The following RAPGEF6 variants were observed in gnomAD, a reference collection of about 807,000 sequenced individuals.
RAPGEF6 encodes the protein PDZ domain containing guanine nucleotide exchange factor (GEF) 2.
In RAPGEF6, 56 loss-of-function variants were observed where a neutral mutation model predicts 171.4. The observed-to-expected ratio is 0.33, with a 90% CI of 0.26 to 0.41. RAPGEF6 has a LOEUF of 0.41. RAPGEF6 is among the 10% of genes least tolerant of loss of function. RAPGEF6 has a pLI of 1.00. For missense variants in RAPGEF6, 1,674 were observed against 1,921.4 expected (o/e 0.87, Z 2.41); for synonymous variants, 692 against 650.1 (o/e 1.06, Z -0.98).
intron 7 of RAPGEF6, among the ~76,000 whole-genome samples, chr5:131,514,247 T>C (rs1221328716): frequency 6.6e-6 from 1 of 152,160 alleles, no homozygotes; most frequent in Non-Finnish European, 1.5e-5. Context: ...TTTTTTAAAC[T>C]TAAAATGAAT....
chr5:131,461,940 G>A lies in RAPGEF6; in HGVS notation c.2629C>T (p.Arg877Cys), dbSNP rs761250497. 85 of 1,613,914 alleles carry A rather than the reference G, an allele frequency of 5.3e-5. 1 individual carries two copies. In the South Asian group the frequency reaches 5.4e-4, roughly 10 times the overall value. ...ATGTACTCAGTCGGTTCAATATTACGAAACAAATCAAAGTCCCTCATTGAC... is the reference window on the plus strand; with the variant it reads ...ATGTACTCAGTCGGTTCAATATTACAAAACAAATCAAAGTCCCTCATTGAC... ...QLSMRDFDLFRNIEPTEYIDD... is the reference protein window; with the variant it reads ...QLSMRDFDLFCNIEPTEYIDD... Residue 877 changes from arginine (R) to cysteine (C), a missense_variant, in exon 19 of 28, where the codon CGT (arginine) becomes TGT (cysteine). Physicochemically the swap from Arg to Cys is radical, Grantham distance 180. This residue lies in a region of RAPGEF6 where 1,116 missense variants were observed against 1,321.5 expected (regional missense o/e 0.84). Transcript: ENST00000509018.
At chr5:131,550,333 T>TA (rs929459686) in intron 5 of RAPGEF6, among the ~76,000 whole-genome samples, 99 of 152,326 alleles carry the variant, frequency 6.5e-4, no homozygotes, top group African/African-American at 2.3e-3. Flanking sequence ...TTTAAACTCT[T>TA]ACATTTGATA....
At chr5:131,615,570 C>T (rs1468093515) in intron 1 of RAPGEF6, among the ~76,000 whole-genome samples, 5 of 152,158 alleles carry the variant, frequency 3.3e-5, no homozygotes, top group Admixed American at 6.5e-5. Context: ...TAATCATTTA[C>T]GCTGAATGCA....
At chr5:131,513,060 G>C (rs1757844809) in intron 7 of RAPGEF6, among the ~76,000 whole-genome samples, 1 of 152,172 alleles carries the variant, frequency 6.6e-6, no homozygotes, top group Non-Finnish European at 1.5e-5. Context: ...TGACTGACTA[G>C]TACGCTCTGA....
chr5:131,504,094 T>G (rs1214631533), intron 11 of RAPGEF6, among the ~76,000 whole-genome samples: 1 of 152,178 alleles, frequency 6.6e-6, no homozygotes. Flanking sequence ...CTCTGACCAG[T>G]ATATTCTAAA....
chr5:131,525,209 C>A (rs922737094), intron 6 of RAPGEF6, among the ~76,000 whole-genome samples: 1 of 151,834 alleles, frequency 6.6e-6, no homozygotes, highest in African/African-American at 2.4e-5. Context: ...AATAATGGAA[C>A]CAAAAACTCC....
At chr5:131,428,612 C>G (rs1751512010) in intron 27 of RAPGEF6, among the ~76,000 whole-genome samples, 1 of 152,030 alleles carries the variant, frequency 6.6e-6, no homozygotes, top group Admixed American at 6.5e-5. Context: ...AGGCATGCGC[C>G]ATAATGCCTG....
chr5:131,477,814 A>C (rs1030787577), intron 16 of RAPGEF6, among the ~76,000 whole-genome samples: 1 of 152,128 alleles, frequency 6.6e-6, no homozygotes, highest in Non-Finnish European at 1.5e-5. Flanking sequence ...AAACCCATTA[A>C]GGCTTCTGGA....
At chr5:131,552,461 C>T (rs1056386992) in intron 5 of RAPGEF6, among the ~76,000 whole-genome samples, 1 of 142,056 alleles carries the variant, frequency 7.0e-6, no homozygotes, top group African/African-American at 2.6e-5. Flanking sequence ...AAAAATGCAA[C>T]TTTTTTTTTT....
intron 16 of RAPGEF6, among the ~76,000 whole-genome samples, chr5:131,477,465 T>G (rs1755175975): frequency 6.6e-6 from 1 of 152,224 alleles, no homozygotes; most frequent in African/African-American, 2.4e-5. Flanking sequence ...AAAACTATTT[T>G]TACCAGATAG....
intron 5 of RAPGEF6, among the ~76,000 whole-genome samples, chr5:131,550,044 C>T (rs958025906): frequency 2.0e-5 from 3 of 152,110 alleles, no homozygotes; most frequent in Admixed American, 1.3e-4. Flanking sequence ...CTCAGCACCC[C>T]TGCTTGTCTT....
intron 1 of RAPGEF6, 39 bp downstream of exon 1, chr5:131,634,923 C>T (rs771674979): frequency 1.1e-5 from 18 of 1,611,672 alleles, no homozygotes; most frequent in Non-Finnish European, 1.5e-5. Flanking sequence ...ATGCTGTCTA[C>T]TGGACTGTGA....
At chr5:131,557,609 T>C (rs918612173) in intron 5 of RAPGEF6, among the ~76,000 whole-genome samples, 1 of 152,168 alleles carries the variant, frequency 6.6e-6, no homozygotes. Flanking sequence ...TCTCCATATA[T>C]TCCCAAATGT....
chr5:131,459,290 T>C (rs1030201121), intron 19 of RAPGEF6, among the ~76,000 whole-genome samples: 3 of 152,230 alleles, frequency 2.0e-5, no homozygotes, highest in Admixed American at 6.5e-5. Flanking sequence ...TATCTCACTG[T>C]TTACATAAAA....
intron 17 of RAPGEF6, among the ~76,000 whole-genome samples, chr5:131,471,351 T>C (rs1016810138): frequency 1.3e-5 from 2 of 152,210 alleles, no homozygotes. Context: ...CAGAATGACC[T>C]TCACTAAACT....
intron 6 of RAPGEF6, among the ~76,000 whole-genome samples, chr5:131,524,074 T>A (rs897152766): frequency 6.6e-6 from 1 of 151,784 alleles, no homozygotes; most frequent in African/African-American, 2.4e-5. Context: ...AGGGAAAAAA[T>A]AATTTTCAAA....
chr5:131,521,921 T>C (rs1758522537), intron 6 of RAPGEF6, among the ~76,000 whole-genome samples: 1 of 145,148 alleles, frequency 6.9e-6, no homozygotes, highest in Non-Finnish European at 1.5e-5. Flanking sequence ...ACACACTCAC[T>C]CTCCCTCCCT....
chr5:131,597,472 C>G (rs1455400647), intron 3 of RAPGEF6, among the ~76,000 whole-genome samples: 2 of 151,870 alleles, frequency 1.3e-5, no homozygotes, highest in Admixed American at 1.3e-4. Context: ...AATGAATGAA[C>G]AGATAAAGAA....
intron 19 of RAPGEF6, among the ~76,000 whole-genome samples, chr5:131,458,933 G>C (rs1314587286): frequency 6.6e-6 from 1 of 152,200 alleles, no homozygotes; most frequent in Non-Finnish European, 1.5e-5. Flanking sequence ...GATCACAGGC[G>C]TGAGCCACCG....
Sources: allele counts gnomAD v4.1 joint callset (sites outside exome capture counted in the v4.1 genomes callset), GRCh38; gene constraint gnomAD v4.1.1; regional missense constraint gnomAD v4.1.1; transcripts MANE v1.5; gene names NCBI Gene and HGNC (gene_info 2026-07-23, HGNC 2026-07-21).